The following GTF3C4 variants were observed in gnomAD, a reference collection of about 807,000 sequenced individuals.
The protein encoded by GTF3C4 is general transcription factor IIIC subunit 4, also known as general transcription factor 3C polypeptide 4.
In GTF3C4, 28 loss-of-function variants were observed where a neutral mutation model predicts 67.5. The observed-to-expected ratio is 0.41, with a 90% CI of 0.31 to 0.57. The LOEUF is 0.57. Ranked by LOEUF, GTF3C4 falls within the 20% of genes least tolerant of loss-of-function variation. The pLI, the probability that GTF3C4 is intolerant of heterozygous loss-of-function variation, is 0.21. For missense variants in GTF3C4, 831 were observed against 1,033.2 expected, an observed-to-expected ratio of 0.80 and a Z score of 2.68; for synonymous variants, 409 against 393.0, an observed-to-expected ratio of 1.04 and a Z score of -0.48.
At chr9:132,675,675 A>G (rs1328582266) in intron 1 of GTF3C4, among the ~76,000 whole-genome samples, 1 of 152,188 alleles carries the variant, frequency 6.6e-6, no homozygotes, top group East Asian at 1.9e-4. Flanking sequence ...TCAAGGGAGA[A>G]CGACATATAA....
rs1029861266 is a variant in GTF3C4, at chr9:132,693,302, A to G, written c.*4357A>G. The stretch of plus-strand genomic sequence containing the variant: ...AGGTTAATTCTTTTGGTATATGAAT[A>G]TTTCTCCTCCAATCCTTTTAATTAG... On this transcript the variant is annotated 3_prime_UTR_variant, in exon 5 of 5. Transcript: ENST00000372146. 1.3e-5 allele frequency: 2 copies of G among 152,122 alleles called. No individual in the cohort carries two copies. Among genetic ancestry groups the G allele is most frequent in the African/African-American group, 4.8e-5 (2 of 41,410 alleles). 9.4% of individuals were successfully genotyped at this position (152,122 alleles called of 1,614,324 possible). A position where few individuals can be genotyped will look rare whatever the true frequency, so the allele number is the denominator to read the frequency against.
intron 3 of GTF3C4, 23 bp downstream of exon 3, chr9:132,683,716 AC>A: frequency 6.3e-7 from 1 of 1,592,872 alleles, no homozygotes. Context: ...AAAAGTTTCT[AC>A]TTCTGCTCAT....
chr9:132,682,595 CTTTTTTTTT>C (rs34962674), intron 2 of GTF3C4, among the ~76,000 whole-genome samples: 4 of 92,574 alleles, frequency 4.3e-5, no homozygotes, highest in East Asian at 3.6e-4. Context: ...ACAGTATAAT[CTTTTTTTTT>C]TTTTTTTTTT....
chr9:132,670,860 G>C lies in GTF3C4; in HGVS notation c.262G>C (p.Val88Leu). The C allele has an allele frequency of 6.2e-7, 1 of 1,612,114 alleles. No individual in the cohort carries two copies. Among genetic ancestry groups the C allele is most frequent in the Non-Finnish European group, 8.5e-7 (1 of 1,179,882 alleles). ...TGTGTCCACGGCCCGCAGCATCGCT[G>C]TGCTGGAGCTCATCTGCGACGTGCA... ...VSVSTARSIA[V>L]LELICDVHNP... Residue 88 changes from valine to leucine, a missense_variant, in exon 1 of 5, where the codon GTG becomes CTG. By Grantham distance (32) the Val-to-Leu change is conservative. This residue lies in a region of GTF3C4 where 237 missense variants were observed against 212.7 expected (regional missense o/e 1.11). Transcript: ENST00000372146.
chr9:132,678,269 A>T lies in GTF3C4; in HGVS notation c.650A>T (p.Tyr217Phe). The T allele has an allele frequency of 6.2e-7, 1 of 1,614,216 alleles. No individual in the cohort carries two copies. The highest frequency in any genetic ancestry group is 8.5e-7 in the Non-Finnish European group (1 of 1,180,032). Residue 217 changes from tyrosine (Y) to phenylalanine (F), a missense_variant, in exon 2 of 5, where the codon TAT becomes TTT. This residue lies in a region of GTF3C4 where 390 missense variants were observed against 540.3 expected (regional missense o/e 0.72). Transcript: ENST00000372146. This position sits in a 1 kb window ranked among gnomAD's most constrained non-coding sequence, Gnocchi z 6.5. The part of the protein sequence containing the change: ...DLTEIYGERL[Y>F]ETSYRLSKNE... ...ACTGAGATCTATGGAGAACGTCTTT[A>T]TGAGACCAGTTACAGGCTCTCTAAA...
chr9:132,687,132 G>C, intron 3 of GTF3C4, 107 bp from the exon 4 acceptor site: 1 of 757,242 alleles, frequency 1.3e-6, no homozygotes. Context: ...GCTTTCATTT[G>C]GTTAATGTGT....
In GTF3C4 at chr9:132,683,423, A is replaced by T. The variant is rs183606944; in HGVS notation, c.2185-140A>T. The T allele has an allele frequency of 4.7e-4, 322 of 682,006 alleles. 1 individual carries two copies. Among genetic ancestry groups the T allele is most frequent in the African/African-American group, 3.9e-3 (213 of 54,024 alleles). The allele number at this position is 682,006 out of a possible 1,614,324, so 42.2% of individuals were successfully genotyped here. ...GACAGTATAATCAGGATTTGTGGAA[A>T]TGCAAATCTCCTGTCTTCTGTAAAA... On this transcript the variant is annotated intron_variant, in intron 2 of 4. Coordinates refer to ENST00000372146, the MANE Select transcript of GTF3C4 (RefSeq NM_012204.4).
At chr9:132,674,817 C>T (rs1835840618) in intron 1 of GTF3C4, among the ~76,000 whole-genome samples, 1 of 152,136 alleles carries the variant, frequency 6.6e-6, no homozygotes, top group Non-Finnish European at 1.5e-5. Context: ...ATCGCTTGAG[C>T]CCAGGAGTTA....
rs142926692 is a variant in GTF3C4, at chr9:132,679,133, A to C, written c.1514A>C (p.Asn505Thr). ...EGMINGLHPV[N>T]KNYQVQFVTL... ...ATGATCAACGGCCTCCACCCTGTTA[A>C]CAAAAACTACCAGGTCCAATTTGTT... Residue 505 changes from asparagine to threonine, a missense_variant, in exon 2 of 5, where the codon AAC becomes ACC. Asn to Thr is a moderately conservative substitution (Grantham distance 65). Transcript: ENST00000372146. The surrounding 1 kb of genome is among the most constrained non-coding windows in gnomAD (Gnocchi z 5.9). 6.2e-7 allele frequency: 1 copy of C among 1,614,234 alleles called. No homozygotes were observed. Among genetic ancestry groups the C allele is most frequent in the African/African-American group, 1.3e-5 (1 of 75,058 alleles).
rs115863988 is a variant in GTF3C4, at chr9:132,691,247, A to G, written c.*2302A>G. The G allele has an allele frequency of 3.8e-3, 582 of 152,314 alleles. 5 individuals are homozygous for G. The highest frequency in any genetic ancestry group is 0.013 in the African/African-American group (552 of 41,534). The allele number at this position is 152,314 out of a possible 1,614,324, so 9.4% of individuals were successfully genotyped here. A position where few individuals can be genotyped will look rare whatever the true frequency, so the allele number is the denominator to read the frequency against. Reference sequence around the variant, plus strand: ...GATTTTGAGTTAATGGCAGCCTCACAAATAGTGCTTCTGAATTTCTCTGAG... The same window carrying G: ...GATTTTGAGTTAATGGCAGCCTCACGAATAGTGCTTCTGAATTTCTCTGAG... On this transcript the variant is annotated 3_prime_UTR_variant, in exon 5 of 5. Transcript: ENST00000372146.
intron 2 of GTF3C4, among the ~76,000 whole-genome samples, chr9:132,680,265 A>G (rs1835921453): frequency 6.6e-6 from 1 of 152,160 alleles, no homozygotes; most frequent in South Asian, 2.1e-4. Context: ...ACAAATTATT[A>G]CTCATGTCTC....
rs1458699397 is a variant in GTF3C4, at chr9:132,670,947, C to T, written c.349C>T (p.Leu117Phe). ...TSVPAPLNSC[L>F]LKVGSKTEVA... ...GGTGCCCGCACCGCTCAACAGCTGT[C>T]TCCTCAAAGTAAGTCATCCCCCGCC... Residue 117 changes from leucine (L) to phenylalanine (F), a missense_variant, in exon 1 of 5, where the codon CTC becomes TTC. By Grantham distance (22) the Leu-to-Phe change is conservative. This residue lies in a region of GTF3C4 where 237 missense variants were observed against 212.7 expected (regional missense o/e 1.11). Coordinates refer to ENST00000372146, the MANE Select transcript of GTF3C4 (RefSeq NM_012204.4). The T allele has an allele frequency of 1.9e-6, 3 of 1,607,796 alleles. No homozygotes were observed. Among genetic ancestry groups the T allele is most frequent in the East Asian group, 4.5e-5 (2 of 44,784 alleles).
chr9:132,676,143 C>T (rs1835862001), intron 1 of GTF3C4, among the ~76,000 whole-genome samples: 1 of 151,930 alleles, frequency 6.6e-6, no homozygotes, highest in African/African-American at 2.4e-5. Context: ...TCATGATCCG[C>T]CCACCTCAGC....
intron 3 of GTF3C4, 77 bp from the exon 4 acceptor site, chr9:132,687,162 G>A (rs1836042513): frequency 1.2e-6 from 1 of 824,664 alleles, no homozygotes; most frequent in South Asian, 1.3e-5. Flanking sequence ...ATAACTCTCT[G>A]TGATGGAGAA....
rs1182691214 is a variant in GTF3C4, at chr9:132,692,744, T to C, written c.*3799T>C. The C allele has an allele frequency of 1.3e-5, 2 of 152,192 alleles. No homozygotes were observed. The highest frequency in any genetic ancestry group is 4.8e-5 in the African/African-American group (2 of 41,448). The allele number at this position is 152,192 out of a possible 1,614,324, so 9.4% of individuals were successfully genotyped here. On this transcript the variant is annotated 3_prime_UTR_variant, in exon 5 of 5. Transcript: ENST00000372146. ...AAGAATGGAACCTTTGCCTTCAAGG[T>C]TGGGTCATCAAAAATCCCTCTAAAG...
At chr9:132,674,895 G>A (rs537888336) in intron 1 of GTF3C4, among the ~76,000 whole-genome samples, 1 of 152,178 alleles carries the variant, frequency 6.6e-6, no homozygotes. Context: ...GCCAGGCATG[G>A]TGGTGTGCAC....
intron 2 of GTF3C4, among the ~76,000 whole-genome samples, chr9:132,682,833 A>C (rs902481358): frequency 5.3e-5 from 8 of 152,014 alleles, no homozygotes; most frequent in African/African-American, 1.7e-4. Context: ...CGAACTCCTG[A>C]CCTCAAGTGA....
chr9:132,679,086 G>A lies in GTF3C4; in HGVS notation c.1467G>A (p.Leu489=). 1 of 1,614,096 alleles carries A rather than the reference G, an allele frequency of 6.2e-7. No individual in the cohort carries two copies. Residue 489 remains leucine (L), a synonymous_variant, in exon 2 of 5, where the codon CTG becomes CTA. Transcript: ENST00000372146. The surrounding 1 kb of genome is among the most constrained non-coding windows in gnomAD (Gnocchi z 5.9). ...CAGTGAGCCCCTGCGGTGCATACCT[G>A]GCCATCATCACCACTGAGGGCATGA... ...GIAVSPCGAY[L]AIITTEGMIN...
chr9:132,681,469 G>T (rs1199129368), intron 2 of GTF3C4, among the ~76,000 whole-genome samples: 2 of 152,156 alleles, frequency 1.3e-5, no homozygotes, highest in African/African-American at 2.4e-5. Context: ...TAGGATGTTG[G>T]CTTATTAGCA....
Sources: gnomAD v4.1 joint callset for allele counts (sites outside exome capture counted in the v4.1 genomes callset) on GRCh38, gnomAD v4.1.1 for gene constraint, gnomAD v4.1.1 regional missense constraint, Gnocchi (gnomAD v3.1) non-coding constraint, MANE v1.5 for transcripts, NCBI Gene and HGNC (gene_info 2026-07-23, HGNC 2026-07-21) for gene names.